The following PDS5B variants were observed in gnomAD, a reference collection of about 807,000 sequenced individuals.
PDS5B encodes the protein PDS5 cohesin associated factor B.
In PDS5B, 51 loss-of-function variants were observed where a neutral mutation model predicts 184.1. That is an observed-to-expected ratio of 0.28 (90% CI 0.22 to 0.35). The LOEUF is 0.35. Ranked by LOEUF, PDS5B falls within the 10% of genes least tolerant of loss-of-function variation. The probability of loss-of-function intolerance (pLI) is 1.00; values close to 1 mark genes in which losing one functional copy is unlikely to be tolerated. For synonymous variants in PDS5B, 566 were observed against 569.2 expected (o/e 0.99, Z 0.08); for missense variants, 1,180 against 1,723.3 (o/e 0.68, Z 5.58).
intron 14 of PDS5B, among the ~76,000 whole-genome samples, chr13:32,696,332 C>T (rs1307576761): frequency 1.3e-5 from 2 of 152,070 alleles, no homozygotes; most frequent in African/African-American, 4.8e-5. Context: ...TGCAGTAGTA[C>T]ATGAATGTAT....
chr13:32,596,503 T>A (rs2140471241), intron 1 of PDS5B, among the ~76,000 whole-genome samples: 1 of 152,354 alleles, frequency 6.6e-6, no homozygotes, highest in East Asian at 1.9e-4. Context: ...TTTTCATTTC[T>A]CTTGAGTAAA....
chr13:32,587,988 T>G (rs1264162913), intron 1 of PDS5B, among the ~76,000 whole-genome samples: 1 of 152,196 alleles, frequency 6.6e-6, no homozygotes, highest in African/African-American at 2.4e-5. Flanking sequence ...ACCCAATGCT[T>G]GAACGGCAGT....
At chr13:32,767,369 T>C (rs550508443) in intron 31 of PDS5B, among the ~76,000 whole-genome samples, 1 of 152,300 alleles carries the variant, frequency 6.6e-6, no homozygotes, top group South Asian at 2.1e-4. Context: ...AGCAACCTGC[T>C]GTCACCACTG....
At position 32,770,414 on chromosome 13, in the gene PDS5B, A is replaced by G. The variant is rs745868708; in HGVS notation, c.3918A>G (p.Pro1306=). The part of the protein sequence containing the change: ...PLGGGTPKEE[P]TMKTSKKGSK... Reference sequence around the variant, plus strand: ...GTGGAGGTACACCAAAAGAAGAGCCAACAATGAAAACTTCTAAAAAAGGAA... The same window carrying G: ...GTGGAGGTACACCAAAAGAAGAGCCGACAATGAAAACTTCTAAAAAAGGAA... Residue 1306 remains proline (P), a synonymous_variant, in exon 32 of 35, where the codon CCA becomes CCG. Transcript: ENST00000315596. 16 of 1,613,680 alleles carry G rather than the reference A, an allele frequency of 9.9e-6. No individual in the cohort carries two copies. The highest frequency in any genetic ancestry group is 1.0e-5 in the Non-Finnish European group (12 of 1,179,940).
At chr13:32,587,136 C>T (rs905992088) in intron 1 of PDS5B, among the ~76,000 whole-genome samples, 1 of 145,536 alleles carries the variant, frequency 6.9e-6, no homozygotes, top group Non-Finnish European at 1.5e-5. Flanking sequence ...GAGGGGCGGG[C>T]GGGGACCGCG....
At chr13:32,620,421 G>A (rs1004853644) in intron 1 of PDS5B, among the ~76,000 whole-genome samples, 1 of 152,150 alleles carries the variant, frequency 6.6e-6, no homozygotes, top group Admixed American at 6.5e-5. Flanking sequence ...ACTTTGGGAG[G>A]CCGAGGCGGG....
At chr13:32,680,578 C>G (rs1046816335) in intron 10 of PDS5B, among the ~76,000 whole-genome samples, 6 of 152,176 alleles carry the variant, frequency 3.9e-5, no homozygotes, top group Non-Finnish European at 5.9e-5. Flanking sequence ...TTGGGGTCCC[C>G]CAGTTTAGAG....
At chr13:32,681,485 G>A (rs1951240432) in intron 10 of PDS5B, among the ~76,000 whole-genome samples, 2 of 152,136 alleles carry the variant, frequency 1.3e-5, no homozygotes, top group Admixed American at 6.5e-5. Context: ...TTAGCCGGGT[G>A]TGGTGGTGCA....
intron 24 of PDS5B, among the ~76,000 whole-genome samples, chr13:32,748,189 A>G (rs557866193): frequency 1.3e-5 from 2 of 152,324 alleles, no homozygotes; most frequent in East Asian, 3.9e-4. Flanking sequence ...CCTTTAAATC[A>G]TATGCTCATC....
At chr13:32,699,709 T>A in intron 15 of PDS5B, 21 bp from the exon 16 acceptor site, 6 of 1,381,704 alleles carry the variant, frequency 4.3e-6, no homozygotes, top group Non-Finnish European at 5.7e-6. Flanking sequence ...TGATTTTAAT[T>A]GAACTTTAAT....
intron 29 of PDS5B, 59 bp from the exon 30 acceptor site, chr13:32,760,516 A>T: frequency 6.6e-7 from 1 of 1,514,562 alleles, no homozygotes; most frequent in African/African-American, 1.4e-5. Flanking sequence ...ATGGTTCTTT[A>T]CACGTAACTT....
chr13:32,741,023 A>T, intron 21 of PDS5B, 57 bp from the exon 22 acceptor site: 1 of 1,000,482 alleles, frequency 1.0e-6, no homozygotes, highest in Non-Finnish European at 1.6e-6. Flanking sequence ...AATTGAAAAG[A>T]ATTCATATTT....
intron 13 of PDS5B, chr13:32,689,019 A>G (rs1446364721): frequency 1.2e-5 from 2 of 162,998 alleles, no homozygotes; most frequent in Non-Finnish European, 2.7e-5. Context: ...GTTTGACATA[A>G]GAGTAAGCAC....
chr13:32,665,312 C>T (rs1223440654), intron 6 of PDS5B, among the ~76,000 whole-genome samples: 1 of 151,948 alleles, frequency 6.6e-6, no homozygotes. Flanking sequence ...TCTTTGGGGG[C>T]TGGGCACAGT....
Position 32,678,945 on chromosome 13 carries a change from A to G in PDS5B, c.1057+16A>G. On this transcript the variant is annotated intron_variant, in intron 10 of 34. Transcript: ENST00000315596. ...GACTTAACAGGTACTATATATATGT[A>G]ACAGCAAATATTCTTACGTGCTCTT... 7.6e-7 allele frequency: 1 copy of G among 1,309,212 alleles called. No homozygotes were observed. The highest frequency in any genetic ancestry group is 1.1e-6 in the Non-Finnish European group (1 of 903,446). 81.1% of individuals were successfully genotyped at this position (1,309,212 alleles called of 1,614,324 possible).
At chr13:32,729,561 C>T (rs1953028982) in intron 19 of PDS5B, among the ~76,000 whole-genome samples, 2 of 152,180 alleles carry the variant, frequency 1.3e-5, no homozygotes, top group South Asian at 4.1e-4. Context: ...ATGCTCCCAC[C>T]AACAGTGTAA....
chr13:32,597,645 A>G (rs893884071), intron 1 of PDS5B, among the ~76,000 whole-genome samples: 2 of 152,026 alleles, frequency 1.3e-5, no homozygotes, highest in Admixed American at 1.3e-4. Flanking sequence ...CAAGAGATAG[A>G]GACCATCCTG....
rs865934775 is a variant in PDS5B, at chr13:32,717,760, G to A, written c.2123+7654G>A. Among the ~76,000 whole-genome samples, 14 of 145,930 alleles carry A rather than the reference G, an allele frequency of 9.6e-5. No individual in the cohort carries two copies. The South Asian group carries it at 2.9e-3, about 30-fold the overall frequency. On this transcript the variant is annotated intron_variant, in intron 19 of 34. Transcript: ENST00000315596. Reference sequence around the variant, plus strand: ...AGCACCAATGTAAGTTGTGTCTTGAGGGAGATATTTCAAATCTATAAGAAA... The same window carrying A: ...AGCACCAATGTAAGTTGTGTCTTGAAGGAGATATTTCAAATCTATAAGAAA...
intron 1 of PDS5B, among the ~76,000 whole-genome samples, chr13:32,605,014 C>A (rs907383654): frequency 7.3e-5 from 11 of 151,190 alleles, no homozygotes; most frequent in Non-Finnish European, 1.6e-4. Context: ...TTGATCTTTT[C>A]AAAAAAACCA....
Sources: allele counts gnomAD v4.1 joint callset (sites outside exome capture counted in the v4.1 genomes callset), GRCh38; gene constraint gnomAD v4.1.1; transcripts MANE v1.5; gene names NCBI Gene and HGNC (gene_info 2026-07-23, HGNC 2026-07-21).